LSM8: variants seen among roughly 807,000 people sequenced by gnomAD.
LSM8 encodes the protein LSM8 homolog, U6 small nuclear RNA associated.
LSM8 carries 14 observed loss-of-function variants against 15.0 expected under a neutral mutation model. The observed-to-expected ratio is 0.93, with a 90% CI of 0.62 to 1.46. The LOEUF is 1.46. Ranked by LOEUF, LSM8 falls within the 40% of genes most tolerant of loss-of-function variation. The pLI is 0.00. For synonymous variants in LSM8, 50 were observed against 42.1 expected (o/e 1.19, Z -0.73); for missense variants, 90 against 115.4 (o/e 0.78, Z 1.01).
In LSM8 at chr7:118,193,279, T is replaced by A. The variant is rs1584708097; in HGVS notation, c.*1277T>A. Among the ~76,000 whole-genome samples, 1 of 151,842 alleles carries A rather than the reference T, an allele frequency of 6.6e-6. No individual in the cohort carries two copies. Among genetic ancestry groups the A allele is most frequent in the African/African-American group, 2.4e-5 (1 of 41,326 alleles). On this transcript the variant is annotated 3_prime_UTR_variant, in exon 4 of 4. Coordinates refer to ENST00000249299, the MANE Select transcript of LSM8 (RefSeq NM_016200.5). ...TCATTTATAAAAATGGAGGTGGGGG[T>A]TGGATTGGGCTTGAAGGCATAGTTG...
At position 118,196,497 on chromosome 7, in the gene LSM8, A is replaced by G. The variant is rs976330715; in HGVS notation, c.*4495A>G. ...GGACTTCACCAGGAGAATTTCTTTC[A>G]TTAGTTAACAGTATGCCATCTCCTA... On this transcript the variant is annotated 3_prime_UTR_variant, in exon 4 of 4. Transcript: ENST00000249299. 6.6e-6 allele frequency among the ~76,000 whole-genome samples: 1 copy of G among 151,614 alleles called. No homozygotes were observed. Among genetic ancestry groups the G allele is most frequent in the African/African-American group, 2.4e-5 (1 of 41,238 alleles).
In LSM8 at chr7:118,194,845, G is replaced by A. The variant is rs950523406; in HGVS notation, c.*2843G>A. On this transcript the variant is annotated 3_prime_UTR_variant, in exon 4 of 4. Transcript: ENST00000249299. Reference sequence around the variant, plus strand: ...GTAGTATTTATTGAGTGCATATCATGTGCCAGGCCTGGTGCTGAGTGCTTA... The same window carrying A: ...GTAGTATTTATTGAGTGCATATCATATGCCAGGCCTGGTGCTGAGTGCTTA... 6.6e-6 allele frequency among the ~76,000 whole-genome samples: 1 copy of A among 152,056 alleles called. No homozygotes were observed. The highest frequency in any genetic ancestry group is 1.5e-5 in the Non-Finnish European group (1 of 68,012).
At chr7:118,191,105 CA>C (rs200152361) in intron 3 of LSM8, 10,618 of 116,952 alleles carry the variant, frequency 0.091, 351 homozygotes, top group East Asian at 0.14. Flanking sequence ...AACTCTATCT[CA>C]AAAAAAAAAA....
In LSM8 at chr7:118,203,379, C is replaced by T. The variant is rs187194350; in HGVS notation, c.*11377C>T. ...TGATATCATATAGGAGTAAAAATTG[C>T]GGGGAGGTCCTAATATCCAATATTA... On this transcript the variant is annotated 3_prime_UTR_variant, in exon 4 of 4. Transcript: ENST00000249299. Among the ~76,000 whole-genome samples the T allele has an allele frequency of 4.0e-5, 6 of 151,752 alleles. No individual in the cohort carries two copies. In the South Asian group the frequency reaches 6.2e-4, roughly 16 times the overall value.
chr7:118,191,848 A>G, intron 3 of LSM8, 64 bp from the exon 4 acceptor site: 3 of 1,270,890 alleles, frequency 2.4e-6, no homozygotes, highest in Non-Finnish European at 3.4e-6. Context: ...TTTGATTAGT[A>G]AGATTTTTGA....
In LSM8 at chr7:118,191,898, T is replaced by A. The variant is rs753017931; in HGVS notation, c.201-14T>A. On this transcript the variant is annotated splice_polypyrimidine_tract_variant and intron_variant, in intron 3 of 3. Transcript: ENST00000249299. ...ATTTCAGAAATGTGATTGTTTTAAC[T>A]CTGACTTTTTTAGTGCAGTCATTGG... 1 of 1,587,744 alleles carries A rather than the reference T, an allele frequency of 6.3e-7. No homozygotes were observed. Among genetic ancestry groups the A allele is most frequent in the Non-Finnish European group, 8.6e-7 (1 of 1,159,156 alleles).
At position 118,199,639 on chromosome 7, in the gene LSM8, G is replaced by C. The variant is rs902716450; in HGVS notation, c.*7637G>C. On this transcript the variant is annotated 3_prime_UTR_variant, in exon 4 of 4. Coordinates refer to ENST00000249299, the MANE Select transcript of LSM8 (RefSeq NM_016200.5). ...AAAACAAGTAACTTTGCAACAATCT[G>C]TTCAACAATGAGAGTTACCAAATGC... Among the ~76,000 whole-genome samples the C allele has an allele frequency of 1.3e-5, 2 of 152,108 alleles. No individual in the cohort carries two copies. Among genetic ancestry groups the C allele is most frequent in the African/African-American group, 4.8e-5 (2 of 41,420 alleles).
rs1809188122 is a variant in LSM8, at chr7:118,202,572, C to G, written c.*10570C>G. Among the ~76,000 whole-genome samples, 1 of 152,028 alleles carries G rather than the reference C, an allele frequency of 6.6e-6. No individual in the cohort carries two copies. Among genetic ancestry groups the G allele is most frequent in the South Asian group, 2.1e-4 (1 of 4,824 alleles). ...TGCTTTCCCAACTATAACCAGCAGA[C>G]TATACTGGCAAAATATACTGCTTGA... On this transcript the variant is annotated 3_prime_UTR_variant, in exon 4 of 4. Transcript: ENST00000249299.
rs1337459766 is a variant in LSM8, at chr7:118,197,394, T to TTA, written c.*5392_*5393insTA. ...GGGTGGGGAACAGGCAGGAAACTAA[T>TTA]ATGTTTCTGTTTGATATATGAAAAT... On this transcript the variant is annotated 3_prime_UTR_variant, in exon 4 of 4. Coordinates refer to ENST00000249299, the MANE Select transcript of LSM8 (RefSeq NM_016200.5). Among the ~76,000 whole-genome samples the TTA allele has an allele frequency of 6.7e-6, 1 of 149,178 alleles. No homozygotes were observed. Among genetic ancestry groups the TTA allele is most frequent in the Non-Finnish European group, 1.5e-5 (1 of 67,584 alleles).
At position 118,192,155 on chromosome 7, in the gene LSM8, G is replaced by GAA. The variant is rs201483221; in HGVS notation, c.*161_*162dup. 1.1e-5 allele frequency: 5 copies of GAA among 454,886 alleles called. No homozygotes were observed. The highest frequency in any genetic ancestry group is 4.2e-5 in the African/African-American group (2 of 47,988). The allele number at this position is 454,886 out of a possible 1,614,324, so 28.2% of individuals were successfully genotyped here. On this transcript the variant is annotated 3_prime_UTR_variant, in exon 4 of 4. Transcript: ENST00000249299. The stretch of plus-strand genomic sequence containing the variant: ...AATTAAAATATTTCTACATTTTATT[G>GAA]AAAAAAAAACCTTTTTTTTTGCCTA...
rs144461712 is a variant in LSM8, at chr7:118,201,262, A to G, written c.*9260A>G. Among the ~76,000 whole-genome samples, 11 of 152,196 alleles carry G rather than the reference A, an allele frequency of 7.2e-5. No homozygotes were observed. Among genetic ancestry groups the G allele is most frequent in the African/African-American group, 2.4e-4 (10 of 41,552 alleles). The stretch of plus-strand genomic sequence containing the variant: ...AGCTGAATTTCCTTTATATTAAAGA[A>G]GAGGAGAAAATCTTAATACTAAGTA... On this transcript the variant is annotated 3_prime_UTR_variant, in exon 4 of 4. Transcript: ENST00000249299.
rs1365098590 is a variant in LSM8 at position 118,194,510 on chromosome 7, GAA to G, written c.*2510_*2511del. 6.6e-6 allele frequency among the ~76,000 whole-genome samples: 1 copy of G among 152,076 alleles called. No individual in the cohort carries two copies. The highest frequency in any genetic ancestry group is 1.5e-5 in the Non-Finnish European group (1 of 67,978). On this transcript the variant is annotated 3_prime_UTR_variant, in exon 4 of 4. Transcript: ENST00000249299. The stretch of plus-strand genomic sequence containing the variant: ...ATCTTGATCCCAGAAGAGCAAGAGA[GAA>G]AGTTTTACTAATATTTGCTTAAACA...
chr7:118,201,831 T>C lies in LSM8; in HGVS notation c.*9829T>C, dbSNP rs979277617. On this transcript the variant is annotated 3_prime_UTR_variant, in exon 4 of 4. Transcript: ENST00000249299. ...CATCTTTTGTATGTTTCTGTTTCCA[T>C]CAAGCAGGCTTTTAATGCAACTTTA... is the stretch of plus-strand genomic sequence containing the variant. 2.6e-5 allele frequency among the ~76,000 whole-genome samples: 4 copies of C among 152,108 alleles called. No individual in the cohort carries two copies. Among genetic ancestry groups the C allele is most frequent in the African/African-American group, 9.7e-5 (4 of 41,442 alleles).
At chr7:118,188,213 G>A (rs1392489806) in intron 2 of LSM8, 65 bp from the exon 3 acceptor site, 5 of 1,563,816 alleles carry the variant, frequency 3.2e-6, no homozygotes, top group Non-Finnish European at 4.4e-6. Context: ...TGACTGTGAG[G>A]TTAAATTTAC....
rs1366288270 is a variant in LSM8 at position 118,198,144 on chromosome 7, TTTAAAA to T, written c.*6149_*6154del. Among the ~76,000 whole-genome samples, 3 of 152,154 alleles carry T rather than the reference TTTAAAA, an allele frequency of 2.0e-5. No homozygotes were observed. Among genetic ancestry groups the T allele is most frequent in the Non-Finnish European group, 2.9e-5 (2 of 68,022 alleles). On this transcript the variant is annotated 3_prime_UTR_variant, in exon 4 of 4. Coordinates refer to ENST00000249299, the MANE Select transcript of LSM8 (RefSeq NM_016200.5). ...TAATGTGATGTTTTTAATCACATAT[TTTAAAA>T]TTAAAAATTTGATCAAATTTTTAAA... is the stretch of plus-strand genomic sequence containing the variant.
In LSM8 at chr7:118,195,199, C is replaced by A. The variant is rs1287912518; in HGVS notation, c.*3197C>A. ...GTAATGGAGCAAAAAGGAATAGTCACTAAACAGCGAAGGAAAGTGGTGGAA... is the reference window on the plus strand; with the variant it reads ...GTAATGGAGCAAAAAGGAATAGTCAATAAACAGCGAAGGAAAGTGGTGGAA... On this transcript the variant is annotated 3_prime_UTR_variant, in exon 4 of 4. Coordinates refer to ENST00000249299, the MANE Select transcript of LSM8 (RefSeq NM_016200.5). 6.6e-6 allele frequency among the ~76,000 whole-genome samples: 1 copy of A among 152,098 alleles called. No individual in the cohort carries two copies. The highest frequency in any genetic ancestry group is 1.5e-5 in the Non-Finnish European group (1 of 68,006).
rs758346993 is a variant in LSM8 at position 118,194,503 on chromosome 7, CAA to C, written c.*2502_*2503del. ...ATTACAAATCTTGATCCCAGAAGAG[CAA>C]GAGAGAAAGTTTTACTAATATTTGC... On this transcript the variant is annotated 3_prime_UTR_variant, in exon 4 of 4. Transcript: ENST00000249299. Among the ~76,000 whole-genome samples, 7 of 151,968 alleles carry C rather than the reference CAA, an allele frequency of 4.6e-5. No homozygotes were observed. The highest frequency in any genetic ancestry group is 7.4e-5 in the Non-Finnish European group (5 of 67,970).
In LSM8 at chr7:118,197,238, A is replaced by T. The variant is rs1809095382; in HGVS notation, c.*5236A>T. The stretch of plus-strand genomic sequence containing the variant: ...CATATACTGGCTTTACAAATGCCAT[A>T]TAATTAGTATGGTACCAAATTGTTA... On this transcript the variant is annotated 3_prime_UTR_variant, in exon 4 of 4. Coordinates refer to ENST00000249299, the MANE Select transcript of LSM8 (RefSeq NM_016200.5). Among the ~76,000 whole-genome samples the T allele has an allele frequency of 6.6e-6, 1 of 150,594 alleles. No homozygotes were observed. The highest frequency in any genetic ancestry group is 1.5e-5 in the Non-Finnish European group (1 of 67,798).
In LSM8 at chr7:118,195,237, C is replaced by G. The variant is rs903557796; in HGVS notation, c.*3235C>G. 1.3e-5 allele frequency among the ~76,000 whole-genome samples: 2 copies of G among 152,138 alleles called. No individual in the cohort carries two copies. Among genetic ancestry groups the G allele is most frequent in the African/African-American group, 4.8e-5 (2 of 41,430 alleles). On this transcript the variant is annotated 3_prime_UTR_variant, in exon 4 of 4. Transcript: ENST00000249299. The stretch of plus-strand genomic sequence containing the variant: ...GAAAGTGGTGGAATTATTAAAAGAC[C>G]TAGCACTTACCTGCTGGGATGAGTC...
Sources: allele counts gnomAD v4.1 joint callset (sites outside exome capture counted in the v4.1 genomes callset), GRCh38; gene constraint gnomAD v4.1.1; transcripts MANE v1.5; gene names NCBI Gene and HGNC (gene_info 2026-07-23, HGNC 2026-07-21).